The following THSD7B variants were observed in gnomAD, a reference collection of about 807,000 sequenced individuals.
The protein encoded by THSD7B is thrombospondin type 1 domain containing 7B.
In THSD7B, 138 loss-of-function variants were observed where a neutral mutation model predicts 213.6. That is an observed-to-expected ratio of 0.65 (90% CI 0.56 to 0.74). THSD7B has a LOEUF of 0.74. THSD7B is among the 30% of genes least tolerant of loss of function. THSD7B has a pLI of 0.00. For synonymous variants in THSD7B, 742 were observed against 687.0 expected (o/e 1.08, Z -1.25); for missense variants, 1,931 against 1,991.5 (o/e 0.97, Z 0.58).
intron 15 of THSD7B, among the ~76,000 whole-genome samples, chr2:137,532,496 G>T (rs1680415976): frequency 6.6e-6 from 1 of 151,770 alleles, no homozygotes; most frequent in Non-Finnish European, 1.5e-5. Flanking sequence ...GATTTAATTT[G>T]ATGGGATCAT....
At chr2:137,517,154 G>A (rs934799968) in intron 15 of THSD7B, among the ~76,000 whole-genome samples, 3 of 152,222 alleles carry the variant, frequency 2.0e-5, no homozygotes, top group Non-Finnish European at 4.4e-5. Flanking sequence ...GAAGCAATTT[G>A]CATTCTGCTG....
chr2:137,490,468 G>C (rs1376968074), intron 15 of THSD7B, among the ~76,000 whole-genome samples: 1 of 152,010 alleles, frequency 6.6e-6, no homozygotes, highest in Non-Finnish European at 1.5e-5. Context: ...TATTTTTAAG[G>C]CAGTTTTAGG....
chr2:137,500,349 G>GT (rs923133337), intron 15 of THSD7B, among the ~76,000 whole-genome samples: 3 of 152,140 alleles, frequency 2.0e-5, no homozygotes, highest in Non-Finnish European at 2.9e-5. Context: ...TCAGAAACAT[G>GT]TTTTTTTGAC....
intron 1 of THSD7B, among the ~76,000 whole-genome samples, chr2:136,859,252 T>C (rs1468014044): frequency 2.0e-5 from 3 of 152,204 alleles, no homozygotes; most frequent in African/African-American, 7.2e-5. Flanking sequence ...TGAACCATCA[T>C]TTTATCATTT....
At chr2:137,463,592 A>T (rs2105082980) in intron 15 of THSD7B, among the ~76,000 whole-genome samples, 1 of 152,098 alleles carries the variant, frequency 6.6e-6, no homozygotes, top group Middle Eastern at 3.4e-3. Context: ...TAGCTACAAG[A>T]GCTTTATTGG....
intron 17 of THSD7B, 74 bp from the exon 18 acceptor site, chr2:137,616,101 T>G (rs1215639262): frequency 2.0e-6 from 3 of 1,506,936 alleles, no homozygotes; most frequent in Admixed American, 3.9e-5. Context: ...ATGTGCCTAC[T>G]TATACCTGTA....
At chr2:137,569,515 C>A (rs987579804) in intron 16 of THSD7B, among the ~76,000 whole-genome samples, 3 of 152,100 alleles carry the variant, frequency 2.0e-5, no homozygotes, top group Admixed American at 6.5e-5. Context: ...GGGAGAGGAT[C>A]TAAAGGTTTG....
At chr2:136,941,267 T>G (rs1684822627) in intron 2 of THSD7B, among the ~76,000 whole-genome samples, 1 of 152,210 alleles carries the variant, frequency 6.6e-6, no homozygotes, top group South Asian at 2.1e-4. Context: ...GATGGACATT[T>G]GGGTTGGTTC....
At chr2:137,402,492 C>A (rs1428270496) in intron 12 of THSD7B, among the ~76,000 whole-genome samples, 2 of 151,812 alleles carry the variant, frequency 1.3e-5, no homozygotes, top group Admixed American at 6.6e-5. Context: ...ATAAAATATT[C>A]TAAAATAATT....
intron 15 of THSD7B, among the ~76,000 whole-genome samples, chr2:137,556,406 G>T (rs1680968528): frequency 6.6e-6 from 1 of 152,186 alleles, no homozygotes; most frequent in South Asian, 2.1e-4. Flanking sequence ...TTAAAGAAAA[G>T]AATTTTCAAC....
intron 1 of THSD7B, among the ~76,000 whole-genome samples, chr2:136,842,007 C>T (rs1337317882): frequency 6.6e-6 from 1 of 152,148 alleles, no homozygotes; most frequent in Non-Finnish European, 1.5e-5. Context: ...TTCATGCAAG[C>T]AGATGTGTAT....
At chr2:136,993,748 A>G (rs898491135) in intron 2 of THSD7B, among the ~76,000 whole-genome samples, 2 of 152,250 alleles carry the variant, frequency 1.3e-5, no homozygotes, top group Non-Finnish European at 2.9e-5. Context: ...TACAACATAC[A>G]GGTCAATTTG....
rs548153532 is a variant in THSD7B at position 137,538,922 on chromosome 2, G to C, written c.3139-24299G>C. On this transcript the variant is annotated intron_variant, in intron 15 of 27. Coordinates refer to ENST00000409968, the MANE Select transcript of THSD7B (RefSeq NM_001316349.2). ...CAAACAGCCGAGAATTTTATACATA[G>C]CTTCCTAGCCAGAGCTGATTCTAGG... Among the ~76,000 whole-genome samples, 17 of 151,680 alleles carry C rather than the reference G, an allele frequency of 1.1e-4. No individual in the cohort carries two copies. In the East Asian group the frequency reaches 3.1e-3, roughly 28 times the overall value.
chr2:137,317,362 A>G (rs767472681), intron 12 of THSD7B, among the ~76,000 whole-genome samples: 11 of 152,214 alleles, frequency 7.2e-5, no homozygotes, highest in African/African-American at 1.4e-4. Context: ...TTATAATGAT[A>G]TGGCGTGTCT....
At chr2:137,452,055 A>C (rs1687662464) in intron 15 of THSD7B, 1 of 953,674 alleles carries the variant, frequency 1.0e-6, no homozygotes, top group Non-Finnish European at 1.2e-6. Flanking sequence ...CTTGAATATC[A>C]TGTATCAATT....
At chr2:136,944,787 C>T (rs1243812093) in intron 2 of THSD7B, among the ~76,000 whole-genome samples, 1 of 147,780 alleles carries the variant, frequency 6.8e-6, no homozygotes, top group Non-Finnish European at 1.5e-5. Context: ...TGTTTCTTTG[C>T]ATGTGAGATG....
At chr2:137,083,741 G>A (rs893208696) in intron 3 of THSD7B, among the ~76,000 whole-genome samples, 2 of 152,016 alleles carry the variant, frequency 1.3e-5, no homozygotes, top group African/African-American at 4.8e-5. Context: ...ATGATGTGAT[G>A]TTGCAAACGT....
intron 12 of THSD7B, among the ~76,000 whole-genome samples, chr2:137,404,385 C>T (rs927679181): frequency 7.3e-6 from 1 of 137,078 alleles, no homozygotes; most frequent in Non-Finnish European, 1.5e-5. Flanking sequence ...ATCGTGGAAC[C>T]CACCCAAATG....
intron 3 of THSD7B, among the ~76,000 whole-genome samples, chr2:137,075,205 C>G (rs1488553167): frequency 6.6e-6 from 1 of 152,216 alleles, no homozygotes. Flanking sequence ...CCATTCTCCC[C>G]ATCACTTTCA....
Sources: gnomAD v4.1 joint callset for allele counts (sites outside exome capture counted in the v4.1 genomes callset) on GRCh38, gnomAD v4.1.1 for gene constraint, MANE v1.5 for transcripts, NCBI Gene and HGNC (gene_info 2026-07-23, HGNC 2026-07-21) for gene names.